The following CCSER1 variants were observed in gnomAD, a reference collection of about 807,000 sequenced individuals.
CCSER1 encodes serine-rich coiled-coil domain-containing protein 1.
Under a neutral mutation model 82.0 loss-of-function variants are expected in CCSER1, and 41 were observed. The ratio of observed to expected loss-of-function variants is 0.50; its 90% confidence interval spans 0.39 to 0.65. The LOEUF is 0.65. Among genes scored for constraint, CCSER1 ranks in the 30% least tolerant of loss-of-function variants. The probability of loss-of-function intolerance (pLI) is 0.00; values close to 1 mark genes in which losing one functional copy is unlikely to be tolerated. For synonymous variants in CCSER1, 414 were observed against 383.9 expected (o/e 1.08, Z -0.92); for missense variants, 1,119 against 1,064.2 (o/e 1.05, Z -0.72).
chr4:91,204,481 T>G (rs757491177), intron 10 of CCSER1, among the ~76,000 whole-genome samples: 1 of 151,926 alleles, frequency 6.6e-6, no homozygotes, highest in Non-Finnish European at 1.5e-5. Flanking sequence ...TATGTATGTA[T>G]TTGTTACTGT....
chr4:90,299,270 A>G (rs978117929), intron 1 of CCSER1, among the ~76,000 whole-genome samples: 7 of 152,192 alleles, frequency 4.6e-5, no homozygotes, highest in African/African-American at 1.7e-4. Context: ...TACAAATCTA[A>G]TCAGAGACAG....
At chr4:91,347,824 C>T (rs1748162002) in intron 10 of CCSER1, among the ~76,000 whole-genome samples, 1 of 151,218 alleles carries the variant, frequency 6.6e-6, no homozygotes, top group Non-Finnish European at 1.5e-5. Flanking sequence ...AGTCTTATAT[C>T]CTCCAATATT....
chr4:90,602,323 ACCT>A (rs1784125250), intron 5 of CCSER1, among the ~76,000 whole-genome samples: 1 of 151,734 alleles, frequency 6.6e-6, no homozygotes, highest in Non-Finnish European at 1.5e-5. Context: ...TATTAATATA[ACCT>A]CCTCTTTTTA....
At chr4:91,569,914 A>G (rs897247628) in intron 10 of CCSER1, among the ~76,000 whole-genome samples, 1 of 152,184 alleles carries the variant, frequency 6.6e-6, no homozygotes, top group African/African-American at 2.4e-5. Context: ...GGAGACAAGG[A>G]AAGTCCCTTC....
chr4:91,390,793 C>T (rs1390146882), intron 10 of CCSER1, among the ~76,000 whole-genome samples: 1 of 151,860 alleles, frequency 6.6e-6, no homozygotes, highest in Non-Finnish European at 1.5e-5. Flanking sequence ...TTTATTTTTT[C>T]TTGAGTGAGT....
chr4:90,781,234 C>T, intron 7 of CCSER1: 1 of 982,372 alleles, frequency 1.0e-6, no homozygotes, highest in Non-Finnish European at 1.2e-6. Flanking sequence ...AACTATATCA[C>T]TCAGAATCTG....
At chr4:90,532,933 A>C (rs1338414451) in intron 5 of CCSER1, among the ~76,000 whole-genome samples, 1 of 151,984 alleles carries the variant, frequency 6.6e-6, no homozygotes, top group Non-Finnish European at 1.5e-5. Flanking sequence ...ACTCCCTCCC[A>C]GGAGTTACTT....
At chr4:91,385,695 T>A (rs1751241453) in intron 10 of CCSER1, among the ~76,000 whole-genome samples, 1 of 151,946 alleles carries the variant, frequency 6.6e-6, no homozygotes, top group African/African-American at 2.4e-5. Context: ...CTGCCCCCTT[T>A]GTTGCCACGG....
intron 7 of CCSER1, among the ~76,000 whole-genome samples, chr4:90,750,407 C>T (rs1464973954): frequency 1.3e-5 from 2 of 152,046 alleles, no homozygotes; most frequent in Non-Finnish European, 2.9e-5. Context: ...AGTTGCCAGC[C>T]CCATCTTTAC....
chr4:91,546,037 T>G (rs915843095), intron 10 of CCSER1, among the ~76,000 whole-genome samples: 2 of 152,240 alleles, frequency 1.3e-5, no homozygotes, highest in East Asian at 3.9e-4. Context: ...TCTATTGATA[T>G]AATTGTGTAA....
chr4:90,177,500 C>T (rs186331060), intron 1 of CCSER1, among the ~76,000 whole-genome samples: 76 of 152,158 alleles, frequency 5.0e-4, no homozygotes, highest in Non-Finnish European at 9.7e-4. Context: ...CTATTGATGG[C>T]GTACACTTAG....
chr4:91,299,795 TA>T (rs1560575320), intron 10 of CCSER1, among the ~76,000 whole-genome samples: 2 of 151,776 alleles, frequency 1.3e-5, no homozygotes, highest in African/African-American at 4.8e-5. Context: ...TTTTTTTTTT[TA>T]AATACATATA....
intron 9 of CCSER1, among the ~76,000 whole-genome samples, chr4:91,058,463 G>C (rs866788313): frequency 6.6e-6 from 1 of 152,032 alleles, no homozygotes; most frequent in Non-Finnish European, 1.5e-5. Context: ...AGCTACCATG[G>C]TCTGGCACTG....
chr4:90,227,042 C>T (rs77887339), intron 1 of CCSER1, among the ~76,000 whole-genome samples: 2 of 152,162 alleles, frequency 1.3e-5, no homozygotes, highest in Admixed American at 1.3e-4. Context: ...TTTTTCCCCC[C>T]ACAAATGTCA....
chr4:90,758,968 T>A (rs1015183904), intron 7 of CCSER1, among the ~76,000 whole-genome samples: 3 of 152,178 alleles, frequency 2.0e-5, no homozygotes, highest in Admixed American at 6.6e-5. Flanking sequence ...TTCTGTTATG[T>A]TCTTTTAGTA....
chr4:90,494,878 A>T (rs956050516), intron 5 of CCSER1, among the ~76,000 whole-genome samples: 4 of 152,088 alleles, frequency 2.6e-5, no homozygotes, highest in Non-Finnish European at 2.9e-5. Flanking sequence ...TTTCCTTCAA[A>T]ATACTAGTCT....
At chr4:90,271,308 C>G (rs1726237307) in intron 1 of CCSER1, among the ~76,000 whole-genome samples, 1 of 151,972 alleles carries the variant, frequency 6.6e-6, no homozygotes, top group Non-Finnish European at 1.5e-5. Context: ...ATCAATGGAG[C>G]ATAATTGAGA....
chr4:90,274,133 A>G (rs944357652), intron 1 of CCSER1, among the ~76,000 whole-genome samples: 1 of 152,150 alleles, frequency 6.6e-6, no homozygotes, highest in African/African-American at 2.4e-5. Context: ...ACATCATTTC[A>G]TGTCCAAACT....
chr4:91,056,561 C>A (rs1055161240), intron 9 of CCSER1, among the ~76,000 whole-genome samples: 2 of 152,028 alleles, frequency 1.3e-5, no homozygotes, highest in Non-Finnish European at 2.9e-5. Context: ...TAAACACCTC[C>A]TAGAAGGCCC....
Sources: allele counts gnomAD v4.1 joint callset (sites outside exome capture counted in the v4.1 genomes callset), GRCh38; gene constraint gnomAD v4.1.1; transcripts MANE v1.5; gene names NCBI Gene and HGNC (gene_info 2026-07-23, HGNC 2026-07-21).